Variants in AGRN observed in about 807,000 individuals in gnomAD.
The protein encoded by AGRN is agrin, also known as agrin proteoglycan.
Under a neutral mutation model 211.0 loss-of-function variants are expected in AGRN, and 106 were observed. The ratio of observed to expected loss-of-function variants is 0.50; its 90% confidence interval spans 0.43 to 0.59. The LOEUF (loss-of-function observed/expected upper bound fraction) is 0.59, where lower values mean the gene tolerates loss of function less well. Ranked by LOEUF, AGRN falls within the 20% of genes least tolerant of loss-of-function variation. The probability of loss-of-function intolerance (pLI) is 0.00; values close to 1 mark genes in which losing one functional copy is unlikely to be tolerated. For synonymous variants in AGRN, 1,525 were observed against 1,332.5 expected, an observed-to-expected ratio of 1.14 and a Z score of -3.15; for missense variants, 3,040 against 2,982.6, an observed-to-expected ratio of 1.02 and a Z score of -0.45.
rs1334935933 is a variant in AGRN, at chr1:1,044,328, C to G, written c.2149-6C>G. 6.2e-7 allele frequency: 1 copy of G among 1,612,636 alleles called. No individual in the cohort carries two copies. Among genetic ancestry groups the G allele is most frequent in the Non-Finnish European group, 8.5e-7 (1 of 1,179,852 alleles). ...TGCGGCCGCTCACACTGACACCACCCTCCAGGTGTGCGGCTCAGATGGGGT... is the reference window on the plus strand; with the variant it reads ...TGCGGCCGCTCACACTGACACCACCGTCCAGGTGTGCGGCTCAGATGGGGT... On this transcript the variant is annotated splice_polypyrimidine_tract_variant and splice_region_variant and intron_variant, in intron 11 of 35. Transcript: ENST00000379370.
intron 2 of AGRN, among the ~76,000 whole-genome samples, chr1:1,029,605 AGTGCATGGTGCTGTGAGATCAGCATGTG>A (rs1197545374): frequency 6.8e-6 from 1 of 146,032 alleles, no homozygotes; most frequent in African/African-American, 2.7e-5. Flanking sequence ...GTGTGTGTGC[AGTGCATGGTGCTGTGAGATCAGCATGTG>A]TGTGTGTGTG....
chr1:1,021,551 C>T (rs1382050969), intron 1 of AGRN, among the ~76,000 whole-genome samples: 8 of 152,342 alleles, frequency 5.3e-5, no homozygotes, highest in East Asian at 1.9e-4. Context: ...CAGGGGAGTG[C>T]GTGAGTGCGT....
Position 1,048,689 on chromosome 1 carries a change from C to A in AGRN, c.4106-178C>A. The A allele has an allele frequency of 1.3e-6, 1 of 753,252 alleles. No homozygotes were observed. Among genetic ancestry groups the A allele is most frequent in the Non-Finnish European group, 2.1e-6 (1 of 482,890 alleles). The allele number at this position is 753,252 out of a possible 1,614,324, so 46.7% of individuals were successfully genotyped here. On this transcript the variant is annotated intron_variant, in intron 23 of 35. Coordinates refer to ENST00000379370, the MANE Select transcript of AGRN (RefSeq NM_198576.4). The surrounding 1 kb of genome is among the most constrained non-coding windows in gnomAD (Gnocchi z 5.9). ...GGCTGAGGCAGGAGAATCGCTTGAA[C>A]CTGGCAGGCGGAGGTTGCGGTGAGC...
chr1:1,033,732 C>A (rs1307561802), intron 2 of AGRN, among the ~76,000 whole-genome samples: 1 of 136,882 alleles, frequency 7.3e-6, no homozygotes, highest in African/African-American at 2.7e-5. Flanking sequence ...CACCTTCAGG[C>A]CCACCCTCGG....
Position 1,053,995 on chromosome 1 carries a change from C to T in AGRN, c.5876+18C>T, listed in dbSNP as rs753370615. 14 of 1,578,750 alleles carry T rather than the reference C, an allele frequency of 8.9e-6. No homozygotes were observed. Among genetic ancestry groups the T allele is most frequent in the South Asian group, 3.5e-5 (3 of 86,876 alleles). ...GCACATAGGTGAGTAGGGAACCCAGCGTGCCGAGAATAGTGGCGAGGGCTG... is the reference window on the plus strand; with the variant it reads ...GCACATAGGTGAGTAGGGAACCCAGTGTGCCGAGAATAGTGGCGAGGGCTG... On this transcript the variant is annotated intron_variant, in intron 34 of 35. Coordinates refer to ENST00000379370, the MANE Select transcript of AGRN (RefSeq NM_198576.4).
Position 1,020,361 on chromosome 1 carries a change from G to T in AGRN, c.189G>T (p.Thr63=). The stretch of plus-strand genomic sequence containing the variant: ...TCAACGTGGACCCGGTGCAGCACAC[G>T]TACTCCTGCAAGGTGCGCCCACCCG... ...EILNVDPVQH[T]YSCKVRVWRY... Residue 63 remains threonine (T), a synonymous_variant, in exon 1 of 36, where the codon ACG becomes ACT. Transcript: ENST00000379370. The T allele has an allele frequency of 6.7e-7, 1 of 1,498,022 alleles. No homozygotes were observed. The highest frequency in any genetic ancestry group is 8.9e-7 in the Non-Finnish European group (1 of 1,122,492). 92.8% of individuals were successfully genotyped at this position (1,498,022 alleles called of 1,614,324 possible). A position where few individuals can be genotyped will look rare whatever the true frequency, so the allele number is the denominator to read the frequency against.
At chr1:1,021,512 G>A (rs1644405148) in intron 1 of AGRN, among the ~76,000 whole-genome samples, 1 of 152,234 alleles carries the variant, frequency 6.6e-6, no homozygotes, top group African/African-American at 2.4e-5. Context: ...CAGATCTGAG[G>A]AAGGGGCTGC....
rs115885544 is a variant in AGRN at position 1,049,782 on chromosome 1, G to A, written c.4731G>A (p.Pro1577=). 2.3e-5 allele frequency: 36 copies of A among 1,592,886 alleles called. No individual in the cohort carries two copies. Among genetic ancestry groups the A allele is most frequent in the African/African-American group, 5.4e-5 (4 of 74,306 alleles). Residue 1577 remains proline, a synonymous_variant, in exon 26 of 36, where the codon CCG becomes CCA. Transcript: ENST00000379370. ...CTGGAAGGTTCCATTGCCAGTGCCC[G>A]CCCGGCCGCGTCGGTGAGGGTGGGG... ...LEAGRFHCQC[P]PGRVGPTCAD...
At chr1:1,035,350 C>T (rs1329536000) in intron 3 of AGRN, 26 bp downstream of exon 3, 6 of 1,612,744 alleles carry the variant, frequency 3.7e-6, no homozygotes, top group Middle Eastern at 1.7e-4. Flanking sequence ...TTCGGGGGAC[C>T]TGGATGGGCT....
At chr1:1,036,946 G>A (rs1211607924) in intron 3 of AGRN, among the ~76,000 whole-genome samples, 3 of 152,116 alleles carry the variant, frequency 2.0e-5, no homozygotes, top group Admixed American at 6.5e-5. Context: ...GAGGGGACAC[G>A]GGTTGCAGGG....
In AGRN at chr1:1,045,862, C is replaced by T. The variant is rs532395667; in HGVS notation, c.2666C>T (p.Ala889Val). 3.5e-5 allele frequency: 56 copies of T among 1,610,854 alleles called. No individual in the cohort carries two copies. The highest frequency in any genetic ancestry group is 2.5e-4 in the African/African-American group (19 of 75,010). The change falls in exon 15 of 36, where the codon GCG (alanine) becomes GTG (valine). Residue 889 changes from alanine (A) to valine (V), a missense_variant. By Grantham distance (64) the Ala-to-Val change is moderately conservative. Transcript: ENST00000379370. ...CCAGACGGCCGTGCCCTGGGCCCCG[C>T]GGGCTGTGAAGCTGGTGAGTGAGGG... ...QCPDGRALGP[A>V]GCEADASAPA... is the part of the protein sequence containing the mutation.
Position 1,022,207 on chromosome 1 carries a change from G to T in AGRN, c.208G>T (p.Val70Phe). The change falls in exon 2 of 36, where the codon GTC becomes TTC. Residue 70 changes from valine (V) to phenylalanine (F), a missense_variant. Transcript: ENST00000379370. ...VQHTYSCKVR[V>F]WRYLKGKDLV... ...ACCGCCATGTCCACCCCAGGTTCGG[G>T]TCTGGCGGTACTTGAAGGGCAAAGA... The T allele has an allele frequency of 6.2e-7, 1 of 1,613,014 alleles. No homozygotes were observed. The highest frequency in any genetic ancestry group is 1.3e-5 in the African/African-American group (1 of 75,056).
chr1:1,035,027 C>T, intron 2 of AGRN: 1 of 595,896 alleles, frequency 1.7e-6, no homozygotes, highest in Non-Finnish European at 3.0e-6. Flanking sequence ...ACCCCTGTGG[C>T]TGGGGCCCCA....
rs778799404 is a variant in AGRN at position 1,043,723 on chromosome 1, G to A, written c.1789G>A (p.Gly597Arg). Residue 597 changes from glycine to arginine, a missense_variant, in exon 9 of 36, where the codon GGA (glycine) becomes AGA (arginine). Gly to Arg is a moderately radical substitution (Grantham distance 125). This residue lies in a region of AGRN where 1,498 missense variants were observed against 1,457.8 expected (regional missense o/e 1.03). Coordinates refer to ENST00000379370, the MANE Select transcript of AGRN (RefSeq NM_198576.4). ...HQISLHVASA[G>R]PCETCGDAVC... ...GATCAGCCTGCACGTGGCCTCAGCT[G>A]GACCCTGTGGTGAGTGAGGCCCTGG... 2.6e-5 allele frequency: 42 copies of A among 1,601,070 alleles called. No homozygotes were observed. The highest frequency in any genetic ancestry group is 3.3e-5 in the Non-Finnish European group (39 of 1,179,788).
At position 1,051,238 on chromosome 1, in the gene AGRN, C is replaced by G. The variant is rs1645277457; in HGVS notation, c.5254-15C>G. 1.3e-6 allele frequency: 2 copies of G among 1,579,610 alleles called. No individual in the cohort carries two copies. Among genetic ancestry groups the G allele is most frequent in the East Asian group, 2.3e-5 (1 of 43,080 alleles). On this transcript the variant is annotated splice_polypyrimidine_tract_variant and intron_variant, in intron 30 of 35. Coordinates refer to ENST00000379370, the MANE Select transcript of AGRN (RefSeq NM_198576.4). Reference sequence around the variant, plus strand: ...GGGTGGGCTCTGCACAGCCACTTACCTGGCGTCCCCGCAGGTTCCGCACAC... The same window carrying G: ...GGGTGGGCTCTGCACAGCCACTTACGTGGCGTCCCCGCAGGTTCCGCACAC...
At chr1:1,038,688 G>A (rs186052407) in intron 3 of AGRN, among the ~76,000 whole-genome samples, 1 of 152,296 alleles carries the variant, frequency 6.6e-6, no homozygotes, top group East Asian at 1.9e-4. Context: ...GAGGTGACTG[G>A]GTCCTTGGCC....
At position 1,048,827 on chromosome 1, in the gene AGRN, C is replaced by T. The variant is rs908366987; in HGVS notation, c.4106-40C>T. On this transcript the variant is annotated intron_variant, in intron 23 of 35. Transcript: ENST00000379370. The surrounding 1 kb of genome is among the most constrained non-coding windows in gnomAD (Gnocchi z 5.9). Reference sequence around the variant, plus strand: ...TTCAGGGATAAAAGTGGGGAATCCTCGGAGCTTTTCCAGCCGGCCCTCCCG... The same window carrying T: ...TTCAGGGATAAAAGTGGGGAATCCTTGGAGCTTTTCCAGCCGGCCCTCCCG... 13 of 1,508,860 alleles carry T rather than the reference C, an allele frequency of 8.6e-6. No homozygotes were observed. Among genetic ancestry groups the T allele is most frequent in the African/African-American group, 5.6e-5 (4 of 70,830 alleles). The allele number at this position is 1,508,860 out of a possible 1,614,324, so 93.5% of individuals were successfully genotyped here.
intron 4 of AGRN, 139 bp downstream of exon 4, chr1:1,041,019 TG>T (rs1342653249): frequency 3.4e-6 from 1 of 296,482 alleles, no homozygotes; most frequent in Non-Finnish European, 5.1e-6. Context: ...GGGAGGGGCC[TG>T]GGGGGCGGAG....
rs1163266161 is a variant in AGRN at position 1,040,702 on chromosome 1, C to T, written c.549C>T (p.Cys183=). 3 of 1,547,362 alleles carry T rather than the reference C, an allele frequency of 1.9e-6. No individual in the cohort carries two copies. The highest frequency in any genetic ancestry group is 2.6e-6 in the Non-Finnish European group (3 of 1,146,790). The part of the protein sequence containing the change: ...RGMLCGFGAV[C]EPNAEGPGRA... ...TGCTGTGCGGCTTCGGCGCCGTGTG[C>T]GAGCCCAACGCGGAGGGGCCGGGCC... The change falls in exon 4 of 36, where the codon TGC becomes TGT. Residue 183 remains cysteine, a synonymous_variant. Transcript: ENST00000379370.
Sources: gnomAD v4.1 joint callset for allele counts (sites outside exome capture counted in the v4.1 genomes callset) on GRCh38, gnomAD v4.1.1 for gene constraint, gnomAD v4.1.1 regional missense constraint, Gnocchi (gnomAD v3.1) non-coding constraint, MANE v1.5 for transcripts, NCBI Gene and HGNC (gene_info 2026-07-23, HGNC 2026-07-21) for gene names.